The following SPPL2B variants were observed in gnomAD, a reference collection of about 807,000 sequenced individuals.
SPPL2B encodes the protein signal peptide peptidase like 2B.
A neutral mutation model predicts 59.7 loss-of-function variants in SPPL2B; 39 were observed. The observed-to-expected ratio is 0.65, with a 90% confidence interval of 0.51 to 0.85. The LOEUF is 0.85. SPPL2B is among the 40% of genes least tolerant of loss of function. The pLI is 0.00. For synonymous variants in SPPL2B, 419 were observed against 370.8 expected (o/e 1.13, Z -1.49); for missense variants, 865 against 849.0 (o/e 1.02, Z -0.23).
chr19:2,343,941 C>T (rs377081127), intron 9 of SPPL2B, 24 bp from the exon 10 acceptor site: 80 of 1,538,840 alleles, frequency 5.2e-5, no homozygotes, highest in East Asian at 3.9e-4. Context: ...GGGTGGGGGC[C>T]GCCCTCAGCC....
At chr19:2,343,644 C>G (rs1260871557) in intron 9 of SPPL2B, among the ~76,000 whole-genome samples, 4 of 152,260 alleles carry the variant, frequency 2.6e-5, no homozygotes, top group African/African-American at 9.6e-5. Context: ...GAGGGCCCCA[C>G]AGCACCCCAA....
In SPPL2B at chr19:2,332,216, T is replaced by C. The variant is rs578022413; in HGVS notation, c.67-2386T>C. ...CCCAGTCGATTGTGGGGACCGGGGC[T>C]CCGTGGGCTTTCACCATGCTGCCAC... is the stretch of plus-strand genomic sequence containing the variant. On this transcript the variant is annotated intron_variant, in intron 1 of 14. Transcript: ENST00000613503. The surrounding 1 kb of genome is among the most constrained non-coding windows in gnomAD (Gnocchi z 4.6). 1.3e-5 allele frequency among the ~76,000 whole-genome samples: 2 copies of C among 152,294 alleles called. No homozygotes were observed. The highest frequency in any genetic ancestry group is 3.9e-4 in the East Asian group (2 of 5,184).
In SPPL2B at chr19:2,338,957, T is replaced by TGGCCCCTGCAGGCCAGGGTCTCC. The variant is rs533978160; in HGVS notation, c.460-111_460-89dup. ...TGGGATCAGGGTGGTGGGTGAGGCG[T>TGGCCCCTGCAGGCCAGGGTCTCC]GGCCCCTGCAGGCCAGGGTCTCCAG... is the stretch of plus-strand genomic sequence containing the variant. On this transcript the variant is annotated intron_variant, in intron 4 of 14. Coordinates refer to ENST00000613503, the MANE Select transcript of SPPL2B (RefSeq NM_152988.3). The TGGCCCCTGCAGGCCAGGGTCTCC allele has an allele frequency of 2.1e-3, 3,065 of 1,491,632 alleles. 5 individuals carry two copies. Among genetic ancestry groups the TGGCCCCTGCAGGCCAGGGTCTCC allele is most frequent in the Admixed American group, 2.8e-3 (136 of 49,306 alleles). The allele number at this position is 1,491,632 out of a possible 1,614,324, so 92.4% of individuals were successfully genotyped here.
chr19:2,336,645 G>A (rs528145417), intron 2 of SPPL2B, among the ~76,000 whole-genome samples: 14 of 151,860 alleles, frequency 9.2e-5, no homozygotes, highest in Non-Finnish European at 1.2e-4. Context: ...CTGTGTGTGC[G>A]TGTGTGTGTG....
At chr19:2,331,572 G>GT (rs1238306440) in intron 1 of SPPL2B, among the ~76,000 whole-genome samples, 2 of 152,148 alleles carry the variant, frequency 1.3e-5, no homozygotes, top group Non-Finnish European at 2.9e-5. Flanking sequence ...GCACAGGCTT[G>GT]TTTTTTTAAT....
intron 13 of SPPL2B, among the ~76,000 whole-genome samples, chr19:2,350,400 C>T (rs1424929738): frequency 3.7e-5 from 5 of 135,572 alleles, no homozygotes; most frequent in Non-Finnish European, 6.4e-5. Context: ...TTCTCATTCG[C>T]TTGATTCCGT....
At chr19:2,341,058 C>T (rs747983835) in intron 8 of SPPL2B, 44 bp downstream of exon 8, 65 of 1,396,972 alleles carry the variant, frequency 4.7e-5, no homozygotes, top group South Asian at 1.3e-4. Flanking sequence ...GCGGAGTCCT[C>T]GGGTGCACCA....
At chr19:2,341,545 G>A in intron 8 of SPPL2B, 1 of 451,542 alleles carries the variant, frequency 2.2e-6, no homozygotes, top group Non-Finnish European at 4.5e-6. Context: ...GAGGCCGAGT[G>A]CCTGGTGCCG....
intron 8 of SPPL2B, chr19:2,341,250 A>G (rs1179110937): frequency 8.9e-6 from 6 of 671,936 alleles, no homozygotes; most frequent in Non-Finnish European, 2.7e-6. Context: ...GAGAGGCCGG[A>G]GCCCCTGTGG....
chr19:2,332,747 C>G lies in SPPL2B; in HGVS notation c.67-1855C>G, dbSNP rs1004599557. Among the ~76,000 whole-genome samples, 1 of 152,180 alleles carries G rather than the reference C, an allele frequency of 6.6e-6. No homozygotes were observed. Among genetic ancestry groups the G allele is most frequent in the Non-Finnish European group, 1.5e-5 (1 of 68,026 alleles). On this transcript the variant is annotated intron_variant, in intron 1 of 14. Transcript: ENST00000613503. The surrounding 1 kb of genome is among the most constrained non-coding windows in gnomAD (Gnocchi z 4.6). ...TGGTTTTTCTTCTGGGACCCCTCCT[C>G]CCTGTGCAGGCCGGGCTCCCCTGGG...
chr19:2,353,037 C>A lies in SPPL2B; in HGVS notation c.1607C>A (p.Pro536His), dbSNP rs537047084. ...GCCACGCCACTCTCCCCGCAGCCGC[C>A]CAGCGAAGAACCAGCCACATCCCCC... is the stretch of plus-strand genomic sequence containing the variant. ...DSATPLSPQP[P>H]SEEPATSPWP... The change falls in exon 15 of 15, where the codon CCC becomes CAC. Residue 536 changes from proline (P) to histidine (H), a missense_variant. Physicochemically the swap from Pro to His is moderately conservative, Grantham distance 77 (BLOSUM62 -2). Transcript: ENST00000613503. The A allele has an allele frequency of 2.8e-5, 45 of 1,612,102 alleles. 1 individual carries two copies. In the East Asian group the frequency reaches 9.6e-4, roughly 34 times the overall value.
At chr19:2,336,648 TGTGTGTGC>T (rs1481873920) in intron 2 of SPPL2B, among the ~76,000 whole-genome samples, 1 of 151,252 alleles carries the variant, frequency 6.6e-6, no homozygotes, top group East Asian at 1.9e-4. Context: ...TGTGTGCGTG[TGTGTGTGC>T]ATGTGTGTAA....
chr19:2,336,678 C>G (rs185102680), intron 2 of SPPL2B, among the ~76,000 whole-genome samples: 9 of 145,248 alleles, frequency 6.2e-5, no homozygotes, highest in Admixed American at 1.4e-4. Context: ...AGGCATGTGT[C>G]TGCTTGAGTG....
intron 3 of SPPL2B, 70 bp downstream of exon 3, chr19:2,337,695 G>A: frequency 7.1e-7 from 1 of 1,416,922 alleles, no homozygotes; most frequent in Non-Finnish European, 9.4e-7. Context: ...GGCAGAGATG[G>A]CAGCAGCTGG....
In SPPL2B at chr19:2,332,772, G is replaced by A. The variant is rs575465724; in HGVS notation, c.67-1830G>A. 1.1e-3 allele frequency among the ~76,000 whole-genome samples: 173 copies of A among 152,298 alleles called. 1 individual carries two copies. The highest frequency in any genetic ancestry group is 3.8e-3 in the African/African-American group (160 of 41,562). On this transcript the variant is annotated intron_variant, in intron 1 of 14. Transcript: ENST00000613503. This position sits in a 1 kb window ranked among gnomAD's most constrained non-coding sequence, Gnocchi z 4.6. ...CCCTGTGCAGGCCGGGCTCCCCTGG[G>A]GGCCCACACTGAGGGTCTGCAGTGT...
chr19:2,340,400 C>G, intron 7 of SPPL2B: 1 of 624,134 alleles, frequency 1.6e-6, no homozygotes, highest in Non-Finnish European at 2.9e-6. Context: ...GGAGGGTGCC[C>G]TTGTCCCCAG....
intron 13 of SPPL2B, among the ~76,000 whole-genome samples, chr19:2,348,526 C>T (rs1318940952): frequency 6.7e-6 from 1 of 149,040 alleles, no homozygotes; most frequent in African/African-American, 2.5e-5. Context: ...CGTTCTCTCT[C>T]CCTCCACACA....
rs961289569 is a variant in SPPL2B, at chr19:2,354,345, C to T, written c.*1136C>T. The T allele has an allele frequency of 1.3e-5, 2 of 152,386 alleles. No homozygotes were observed. Among genetic ancestry groups the T allele is most frequent in the African/African-American group, 2.4e-5 (1 of 41,454 alleles). 9.4% of individuals were successfully genotyped at this position (152,386 alleles called of 1,614,324 possible). A position where few individuals can be genotyped will look rare whatever the true frequency, so the allele number is the denominator to read the frequency against. On this transcript the variant is annotated 3_prime_UTR_variant, in exon 15 of 15. Coordinates refer to ENST00000613503, the MANE Select transcript of SPPL2B (RefSeq NM_152988.3). ...GCCCCAGGCCCCGGCATCCTCCCCT[C>T]GCTGCACGTGGTCACTTCCGAAGCA...
Position 2,353,520 on chromosome 19 carries a change from C to G in SPPL2B, c.*311C>G, listed in dbSNP as rs1039315338. Reference sequence around the variant, plus strand: ...GGCCTCTCTGCAGACCCTCAAGCGTCGTCTGCATGAGTGAGCAGGCGTGGG... The same window carrying G: ...GGCCTCTCTGCAGACCCTCAAGCGTGGTCTGCATGAGTGAGCAGGCGTGGG... On this transcript the variant is annotated 3_prime_UTR_variant, in exon 15 of 15. Transcript: ENST00000613503. 2.6e-6 allele frequency: 1 copy of G among 386,862 alleles called. No homozygotes were observed. The highest frequency in any genetic ancestry group is 4.7e-6 in the Non-Finnish European group (1 of 213,516). 24.0% of individuals were successfully genotyped at this position (386,862 alleles called of 1,614,324 possible).
Sources: gnomAD v4.1 joint callset for allele counts (sites outside exome capture counted in the v4.1 genomes callset) on GRCh38, gnomAD v4.1.1 for gene constraint, Gnocchi (gnomAD v3.1) non-coding constraint, MANE v1.5 for transcripts, NCBI Gene and HGNC (gene_info 2026-07-23, HGNC 2026-07-21) for gene names.